SORCS2: variants seen among roughly 807,000 people sequenced by gnomAD.
The protein encoded by SORCS2 is VPS10 domain-containing receptor SorCS2.
In SORCS2, 100 loss-of-function variants were observed where a neutral mutation model predicts 141.6. That is an observed-to-expected ratio of 0.71 (90% CI 0.60 to 0.83). SORCS2 has a LOEUF of 0.83. SORCS2 is among the 40% of genes least tolerant of loss of function. The pLI is 0.00. For synonymous variants in SORCS2, 789 were observed against 676.9 expected, an observed-to-expected ratio of 1.17 and a Z score of -2.57; for missense variants, 1,646 against 1,560.2, an observed-to-expected ratio of 1.05 and a Z score of -0.93.
intron 1 of SORCS2, among the ~76,000 whole-genome samples, chr4:7,388,795 A>G (rs1723661853): frequency 1.3e-5 from 2 of 152,172 alleles, no homozygotes; most frequent in Non-Finnish European, 2.9e-5. Flanking sequence ...CGTCCTTCCC[A>G]TCCACACAGG....
chr4:7,454,406 T>C (rs1482229972), intron 2 of SORCS2, among the ~76,000 whole-genome samples: 7 of 114,038 alleles, frequency 6.1e-5, no homozygotes, highest in African/African-American at 1.0e-4. Flanking sequence ...TGGGGTCAGG[T>C]GCTGTGTTGG....
At chr4:7,318,217 C>T (rs973316858) in intron 1 of SORCS2, among the ~76,000 whole-genome samples, 2 of 152,186 alleles carry the variant, frequency 1.3e-5, no homozygotes, top group Non-Finnish European at 2.9e-5. Flanking sequence ...GAAACCAAGG[C>T]TCAGGGAGGT....
intron 1 of SORCS2, among the ~76,000 whole-genome samples, chr4:7,225,571 C>G (rs1225240246): frequency 6.6e-6 from 1 of 152,166 alleles, no homozygotes; most frequent in African/African-American, 2.4e-5. Context: ...CCGGGGCTCA[C>G]TGCTGCTCAC....
At chr4:7,434,954 C>A (rs1727197163) in intron 2 of SORCS2, 2 of 1,452,880 alleles carry the variant, frequency 1.4e-6, no homozygotes, top group East Asian at 2.5e-5. Flanking sequence ...CTGCCTGGCC[C>A]CAGAGGAGGC....
At chr4:7,593,729 C>T (rs549334438) in intron 3 of SORCS2, among the ~76,000 whole-genome samples, 81 of 152,282 alleles carry the variant, frequency 5.3e-4, no homozygotes, top group African/African-American at 1.9e-3. Context: ...GCAGGGGTGC[C>T]GCTTGCCAGC....
chr4:7,465,345 G>A (rs1295317498), intron 2 of SORCS2, among the ~76,000 whole-genome samples: 1 of 152,180 alleles, frequency 6.6e-6, no homozygotes, highest in Admixed American at 6.5e-5. Context: ...CACATCTTGC[G>A]AGTTTCTTTA....
intron 1 of SORCS2, among the ~76,000 whole-genome samples, chr4:7,390,364 C>T (rs1238832719): frequency 6.6e-6 from 1 of 152,180 alleles, no homozygotes. Flanking sequence ...GTGTGGAAGA[C>T]TCAGTGTCCT....
chr4:7,706,509 C>G (rs1392368110), intron 14 of SORCS2, among the ~76,000 whole-genome samples: 3 of 140,932 alleles, frequency 2.1e-5, no homozygotes, highest in Admixed American at 7.0e-5. Flanking sequence ...TCCGCCTGGG[C>G]AGGGATGAGG....
chr4:7,337,305 G>A (rs894572573), intron 1 of SORCS2, among the ~76,000 whole-genome samples: 1 of 152,152 alleles, frequency 6.6e-6, no homozygotes, highest in African/African-American at 2.4e-5. Context: ...TGCAACGTGC[G>A]GTCTGCTGGC....
intron 1 of SORCS2, among the ~76,000 whole-genome samples, chr4:7,355,678 G>A (rs1721205629): frequency 6.6e-6 from 1 of 152,198 alleles, no homozygotes; most frequent in African/African-American, 2.4e-5. Context: ...GGAGCCTAGG[G>A]TCTGGGCCCC....
At chr4:7,530,230 C>T (rs1166948803) in intron 2 of SORCS2, among the ~76,000 whole-genome samples, 9 of 152,202 alleles carry the variant, frequency 5.9e-5, no homozygotes, top group South Asian at 2.1e-4. Context: ...CCTGTCCCCT[C>T]GGCCCCCAGA....
Position 7,291,225 on chromosome 4 carries a change from T to G in SORCS2, c.480+98099T>G, listed in dbSNP as rs1004851595. Among the ~76,000 whole-genome samples the G allele has an allele frequency of 2.0e-5, 3 of 151,874 alleles. No homozygotes were observed. In the East Asian group the frequency reaches 5.8e-4, roughly 29 times the overall value. On this transcript the variant is annotated intron_variant, in intron 1 of 26. Transcript: ENST00000507866. ...GGCAGAGCTGAGGCCACATAGCAGG[T>G]GAGAGGGACTTTAACTGAACAGCTG... is the stretch of plus-strand genomic sequence containing the variant.
chr4:7,362,011 G>C (rs1721612594), intron 1 of SORCS2, among the ~76,000 whole-genome samples: 1 of 152,160 alleles, frequency 6.6e-6, no homozygotes, highest in East Asian at 1.9e-4. Flanking sequence ...GTGGAGTAAA[G>C]TGGTGGGGAC....
chr4:7,192,960 G>A lies in SORCS2; in HGVS notation c.314G>A (p.Gly105Asp). The change falls in exon 1 of 27, where the codon GGC becomes GAC. Residue 105 changes from glycine to aspartate, a missense_variant. Physicochemically the swap from Gly to Asp is moderately conservative, Grantham distance 94. Transcript: ENST00000507866. This position sits in a 1 kb window ranked among gnomAD's most constrained non-coding sequence, Gnocchi z 4.0. ...GPSPGPAPGP[G>D]EDGAPAAGYR... Reference sequence around the variant, plus strand: ...AGTCCCGGTCCCGCTCCTGGTCCCGGCGAGGACGGCGCCCCCGCCGCGGGC... The same window carrying A: ...AGTCCCGGTCCCGCTCCTGGTCCCGACGAGGACGGCGCCCCCGCCGCGGGC... 1 of 1,359,934 alleles carries A rather than the reference G, an allele frequency of 7.4e-7. No individual in the cohort carries two copies. The allele number at this position is 1,359,934 out of a possible 1,614,324, so 84.2% of individuals were successfully genotyped here.
At chr4:7,479,603 C>T (rs1343135863) in intron 2 of SORCS2, among the ~76,000 whole-genome samples, 1 of 152,230 alleles carries the variant, frequency 6.6e-6, no homozygotes, top group Non-Finnish European at 1.5e-5. Flanking sequence ...CTTGGCTTGG[C>T]AGGGCTTGGG....
At chr4:7,559,388 C>T (rs1277999702) in intron 3 of SORCS2, among the ~76,000 whole-genome samples, 3 of 152,322 alleles carry the variant, frequency 2.0e-5, no homozygotes, top group African/African-American at 7.2e-5. Flanking sequence ...CATGGGCACA[C>T]AGAGGTCAGG....
intron 2 of SORCS2, among the ~76,000 whole-genome samples, chr4:7,487,455 C>G (rs1293243752): frequency 6.6e-6 from 1 of 152,206 alleles, no homozygotes; most frequent in Non-Finnish European, 1.5e-5. Flanking sequence ...TCAGAATTGT[C>G]TCTAGCATGG....
chr4:7,231,628 G>T (rs912595956), intron 1 of SORCS2, among the ~76,000 whole-genome samples: 3 of 152,226 alleles, frequency 2.0e-5, no homozygotes, highest in Non-Finnish European at 2.9e-5. Flanking sequence ...GGGACCCCCA[G>T]ATGAACGGGG....
At chr4:7,547,070 C>G (rs1208096878) in intron 3 of SORCS2, among the ~76,000 whole-genome samples, 1 of 152,200 alleles carries the variant, frequency 6.6e-6, no homozygotes, top group Non-Finnish European at 1.5e-5. Flanking sequence ...ACCACCCCAA[C>G]ACTGCAAATC....
Sources: gnomAD v4.1 joint callset for allele counts (sites outside exome capture counted in the v4.1 genomes callset) on GRCh38, gnomAD v4.1.1 for gene constraint, Gnocchi (gnomAD v3.1) non-coding constraint, MANE v1.5 for transcripts, NCBI Gene and HGNC (gene_info 2026-07-23, HGNC 2026-07-21) for gene names.